Variants in STAU2 observed in about 807,000 individuals in gnomAD.
The protein encoded by STAU2 is double-stranded RNA-binding protein Staufen homolog 2.
A neutral mutation model predicts 65.9 loss-of-function variants in STAU2; 20 were observed. The observed-to-expected ratio is 0.30, with a 90% CI of 0.21 to 0.44. STAU2 has a LOEUF of 0.44. Ranked by LOEUF, STAU2 falls within the 20% of genes least tolerant of loss-of-function variation. STAU2 has a pLI of 1.00. For missense variants in STAU2, 558 were observed against 683.9 expected (o/e 0.82, Z 2.05); for synonymous variants, 232 against 233.9 (o/e 0.99, Z 0.07).
chr8:73,478,305 T>TAAAA lies in STAU2; in HGVS notation c.1531-55607_1531-55604dup, dbSNP rs10660977. On this transcript the variant is annotated intron_variant, in intron 13 of 14. Transcript: ENST00000524300. Reference sequence around the variant, plus strand: ...CTAACACTAACGATAACTGATGAGCTAAAAAAAAAAAAAAAAAAAAAATCG... The same window carrying TAAAA: ...CTAACACTAACGATAACTGATGAGCTAAAAAAAAAAAAAAAAAAAAAAAAAATCG... 6.2e-4 allele frequency among the ~76,000 whole-genome samples: 48 copies of TAAAA among 77,496 alleles called. 1 individual carries two copies. In the South Asian group the frequency reaches 0.01, roughly 17 times the overall value. The allele number at this position is 77,496 out of a possible 152,430, so 50.8% of individuals were successfully genotyped here. A position where few individuals can be genotyped will look rare whatever the true frequency, so the allele number is the denominator to read the frequency against.
chr8:73,620,328 T>C (rs900721557), intron 6 of STAU2, among the ~76,000 whole-genome samples: 1 of 152,192 alleles, frequency 6.6e-6, no homozygotes, highest in Admixed American at 6.5e-5. Context: ...TTACAATTAA[T>C]TATAAACTTC....
At chr8:73,446,222 AT>A (rs1818458822) in intron 13 of STAU2, among the ~76,000 whole-genome samples, 1 of 152,230 alleles carries the variant, frequency 6.6e-6, no homozygotes, top group African/African-American at 2.4e-5. Context: ...TTTATGTAAC[AT>A]TTTTATAATG....
chr8:73,605,123 A>G (rs752965124), intron 9 of STAU2, among the ~76,000 whole-genome samples: 8 of 152,136 alleles, frequency 5.3e-5, no homozygotes, highest in Non-Finnish European at 1.2e-4. Flanking sequence ...ATTTTCAGAA[A>G]GAATAGTAAG....
At chr8:73,624,647 G>C (rs1379417664) in intron 6 of STAU2, among the ~76,000 whole-genome samples, 1 of 152,184 alleles carries the variant, frequency 6.6e-6, no homozygotes, top group South Asian at 2.1e-4. Flanking sequence ...AGCCCAGGCA[G>C]TCTCACTCCA....
Position 73,599,902 on chromosome 8 carries a change from G to A in STAU2, c.1029+3824C>T, listed in dbSNP as rs111728439. ...CCTGCCTCAGCCTCCCGAGTAGCTA[G>A]GACTACAGGTGCCCACCACCATGTC... On this transcript the variant is annotated intron_variant, in intron 10 of 14. Transcript: ENST00000524300. Among the ~76,000 whole-genome samples the A allele has an allele frequency of 3.5e-3, 540 of 152,226 alleles. 4 individuals carry two copies. The highest frequency in any genetic ancestry group is 0.011 in the African/African-American group (461 of 41,554).
intron 1 of STAU2, among the ~76,000 whole-genome samples, chr8:73,742,971 T>C (rs921890315): frequency 3.3e-5 from 5 of 152,198 alleles, no homozygotes; most frequent in African/African-American, 7.2e-5. Flanking sequence ...CTCACTTAAA[T>C]GTCTTATTTG....
At chr8:73,490,997 T>A (rs4737386) in intron 13 of STAU2, among the ~76,000 whole-genome samples, 121,566 of 151,692 alleles carry the variant, frequency 0.8, 49,565 homozygotes, top group East Asian at 0.94. Context: ...ATGGTATAGT[T>A]TATTTTATAG....
At chr8:73,492,512 A>T (rs1279754795) in intron 13 of STAU2, among the ~76,000 whole-genome samples, 1 of 151,862 alleles carries the variant, frequency 6.6e-6, no homozygotes, top group Non-Finnish European at 1.5e-5. Flanking sequence ...TTTCTACATG[A>T]TTCAGAGTTA....
intron 1 of STAU2, among the ~76,000 whole-genome samples, chr8:73,743,776 T>C (rs1317305690): frequency 3.1e-5 from 3 of 95,586 alleles, no homozygotes; most frequent in Non-Finnish European, 4.3e-5. Flanking sequence ...GCCCGGACAT[T>C]TTTTTTTTTT....
chr8:73,494,469 C>T (rs1821297788), intron 13 of STAU2, among the ~76,000 whole-genome samples: 1 of 151,656 alleles, frequency 6.6e-6, no homozygotes, highest in Non-Finnish European at 1.5e-5. Context: ...TTTCAAAATA[C>T]CATTTTTCCA....
chr8:73,519,767 C>T (rs1822941478), intron 13 of STAU2, among the ~76,000 whole-genome samples: 1 of 152,172 alleles, frequency 6.6e-6, no homozygotes, highest in African/African-American at 2.4e-5. Flanking sequence ...ATATCAAGTG[C>T]CTCGTAAGTG....
At chr8:73,538,676 G>GA (rs60524962) in intron 13 of STAU2, among the ~76,000 whole-genome samples, 6,549 of 132,644 alleles carry the variant, frequency 0.049, 286 homozygotes, top group Admixed American at 0.14. Flanking sequence ...CAGAGTTTTA[G>GA]AAAAAAAAAA....
chr8:73,674,139 A>C (rs1817873363), intron 5 of STAU2, among the ~76,000 whole-genome samples: 1 of 151,654 alleles, frequency 6.6e-6, no homozygotes, highest in South Asian at 2.1e-4. Flanking sequence ...AAAAAAAAAA[A>C]AAAAACTTAC....
chr8:73,444,321 G>A (rs557775133), intron 13 of STAU2, among the ~76,000 whole-genome samples: 246 of 151,332 alleles, frequency 1.6e-3, no homozygotes, highest in Admixed American at 4.3e-3. Context: ...CAGGAGAATC[G>A]CTTGAATCCA....
At chr8:73,564,770 G>A (rs552460660) in intron 12 of STAU2, among the ~76,000 whole-genome samples, 1 of 152,220 alleles carries the variant, frequency 6.6e-6, no homozygotes, top group Admixed American at 6.5e-5. Flanking sequence ...AATCCCACCT[G>A]GGCCACTGTC....
At chr8:73,643,270 TA>T (rs1197712987) in intron 6 of STAU2, among the ~76,000 whole-genome samples, 1 of 152,210 alleles carries the variant, frequency 6.6e-6, no homozygotes, top group Non-Finnish European at 1.5e-5. Context: ...AGCCTTTAAT[TA>T]ATATAGCAAA....
chr8:73,547,495 G>A (rs1039810779), intron 13 of STAU2, among the ~76,000 whole-genome samples: 2 of 152,138 alleles, frequency 1.3e-5, no homozygotes, highest in African/African-American at 4.8e-5. Flanking sequence ...AGACACAACA[G>A]GTCAGTTTGC....
chr8:73,694,018 A>G (rs1453629726), intron 4 of STAU2, among the ~76,000 whole-genome samples: 1 of 152,254 alleles, frequency 6.6e-6, no homozygotes, highest in Non-Finnish European at 1.5e-5. Flanking sequence ...AAAAACATAT[A>G]CTGACATAAA....
At chr8:73,550,242 A>G (rs1132131) in intron 13 of STAU2, 21,069 of 985,254 alleles carry the variant, frequency 0.021, 1,268 homozygotes, top group African/African-American at 0.2. Flanking sequence ...AAAAAAGAGT[A>G]TATTATGTAA....
Sources: allele counts gnomAD v4.1 joint callset (sites outside exome capture counted in the v4.1 genomes callset), GRCh38; gene constraint gnomAD v4.1.1; transcripts MANE v1.5; gene names NCBI Gene and HGNC (gene_info 2026-07-23, HGNC 2026-07-21).